TPM3: variants seen among roughly 807,000 people sequenced by gnomAD.
TPM3 encodes tropomyosin alpha-3 chain.
TPM3 carries 16 observed loss-of-function variants against 43.1 expected under a neutral mutation model. The ratio of observed to expected loss-of-function variants is 0.37; its 90% CI spans 0.25 to 0.56. The LOEUF is 0.56. TPM3 is among the 20% of genes least tolerant of loss of function. TPM3 has a pLI of 0.77. For missense variants in TPM3, 176 were observed against 337.2 expected, an observed-to-expected ratio of 0.52 and a Z score of 3.74; for synonymous variants, 101 against 116.9, an observed-to-expected ratio of 0.86 and a Z score of 0.88.
chr1:154,155,847 TAA>T (rs1184741716), downstream of TPM3: 6 of 212,330 alleles, frequency 2.8e-5, no homozygotes, highest in South Asian at 1.9e-4. Context: ...CCCAGCACAT[TAA>T]GTGTTCTTTC....
intron 2 of TPM3, chr1:154,182,971 C>A: frequency 1.2e-6 from 2 of 1,610,856 alleles, no homozygotes; most frequent in Non-Finnish European, 1.7e-6. Context: ...CCCTCATGAG[C>A]CTCACCATCT....
chr1:154,165,879 T>C lies in TPM3; in HGVS notation c.*2058A>G, dbSNP rs1660903034. Reference sequence around the variant, plus strand: ...GCCTTCTTCCATGAGTTTTTCCAATTCATTCCCACTAGGATCAATCTCGTC... The same window carrying C: ...GCCTTCTTCCATGAGTTTTTCCAATCCATTCCCACTAGGATCAATCTCGTC... On this transcript the variant is annotated 3_prime_UTR_variant, in exon 10 of 10. Transcript: ENST00000651641. Among the ~76,000 whole-genome samples the C allele has an allele frequency of 6.6e-6, 1 of 152,188 alleles. No homozygotes were observed. The highest frequency in any genetic ancestry group is 2.4e-5 in the African/African-American group (1 of 41,440).
chr1:154,174,054 T>C (rs533381381), intron 3 of TPM3, among the ~76,000 whole-genome samples: 44 of 151,756 alleles, frequency 2.9e-4, no homozygotes, highest in South Asian at 6.3e-4. Flanking sequence ...TATATACAGC[T>C]GGGCGTGGTG....
intron 9 of TPM3, among the ~76,000 whole-genome samples, chr1:154,168,960 G>A (rs1661284851): frequency 6.6e-6 from 1 of 150,832 alleles, no homozygotes; most frequent in South Asian, 2.1e-4. Flanking sequence ...TCAGCCTCCT[G>A]AGTAGCTAGG....
In TPM3 at chr1:154,167,875, G is replaced by C; in HGVS notation, c.*62C>G. On this transcript the variant is annotated 3_prime_UTR_variant, in exon 10 of 10. Transcript: ENST00000651641. Reference sequence around the variant, plus strand: ...CCAAATGGAATCCAGAGCGAGAGTGGGGCCTTGGGTTCCCCGAGGAGTAAA... The same window carrying C: ...CCAAATGGAATCCAGAGCGAGAGTGCGGCCTTGGGTTCCCCGAGGAGTAAA... 6.2e-7 allele frequency: 1 copy of C among 1,613,832 alleles called. No individual in the cohort carries two copies. The highest frequency in any genetic ancestry group is 1.1e-5 in the South Asian group (1 of 91,064).
intron 2 of TPM3, among the ~76,000 whole-genome samples, chr1:154,178,831 A>G (rs1662633032): frequency 1.3e-5 from 2 of 152,208 alleles, no homozygotes; most frequent in Admixed American, 1.3e-4. Flanking sequence ...AAGTAATAAT[A>G]GGATTCTCCA....
At chr1:154,187,961 C>T (rs1663481506) in intron 2 of TPM3, among the ~76,000 whole-genome samples, 1 of 151,606 alleles carries the variant, frequency 6.6e-6, no homozygotes, top group South Asian at 2.1e-4. Context: ...GCCAGCCATC[C>T]ACTTGCCCAA....
intron 2 of TPM3, chr1:154,187,414 CTCTGAGGGTACTT>C: frequency 2.0e-6 from 2 of 984,714 alleles, no homozygotes; most frequent in Non-Finnish European, 2.4e-6. Context: ...TTATGCATAT[CTCTGAGGGTACTT>C]TCTGACTTGG....
At chr1:154,188,996 G>C (rs1045897941) in intron 2 of TPM3, among the ~76,000 whole-genome samples, 2 of 151,426 alleles carry the variant, frequency 1.3e-5, no homozygotes, top group Admixed American at 1.3e-4. Context: ...CCCGGGCATG[G>C]TGGCAGCTGC....
chr1:154,171,385 C>A, intron 6 of TPM3, 28 bp downstream of exon 6: 1 of 1,613,746 alleles, frequency 6.2e-7, no homozygotes, highest in Non-Finnish European at 8.5e-7. Flanking sequence ...GGCCCCAAAG[C>A]CTGTCACTTT....
chr1:154,180,329 A>G (rs1295260447), intron 2 of TPM3, among the ~76,000 whole-genome samples: 1 of 152,156 alleles, frequency 6.6e-6, no homozygotes, highest in African/African-American at 2.4e-5. Context: ...CCCGCTCCAG[A>G]GGAGGGAGGA....
chr1:154,191,841 C>T, intron 1 of TPM3, 61 bp downstream of exon 1: 2 of 1,595,428 alleles, frequency 1.3e-6, no homozygotes. Flanking sequence ...CCCATGAAAA[C>T]TCCCTTCCAT....
rs565337152 is a variant in TPM3, at chr1:154,184,215, T to C, written c.243+6971A>G. ...CGCCCGGCTAATTTTTTTTTTGTAG[T>C]TTTAGTAGAGACGGGGTTTCACCGT... On this transcript the variant is annotated intron_variant, in intron 2 of 9. Coordinates refer to ENST00000651641, the MANE Select transcript of TPM3 (RefSeq NM_152263.4). Among the ~76,000 whole-genome samples, 7 of 151,908 alleles carry C rather than the reference T, an allele frequency of 4.6e-5. No homozygotes were observed. In the South Asian group the frequency reaches 1.5e-3, roughly 32 times the overall value.
At chr1:154,176,362 T>C (rs1374417421) in intron 2 of TPM3, 114 bp from the exon 3 acceptor site, 19 of 1,478,030 alleles carry the variant, frequency 1.3e-5, no homozygotes, top group Admixed American at 3.7e-5. Flanking sequence ...TCTCGCAGGG[T>C]AGAACTTGTC....
rs1660596791 is a variant in TPM3, at chr1:154,163,447, C to T, written c.*4490G>A. 6.6e-6 allele frequency among the ~76,000 whole-genome samples: 1 copy of T among 152,138 alleles called. No individual in the cohort carries two copies. The highest frequency in any genetic ancestry group is 1.5e-5 in the Non-Finnish European group (1 of 68,018). The stretch of plus-strand genomic sequence containing the variant: ...CTCCTCCTCTTCACTTCTTAACACT[C>T]AAAATGTACCCTCAAATTACTAAAG... On this transcript the variant is annotated 3_prime_UTR_variant, in exon 10 of 10. Coordinates refer to ENST00000651641, the MANE Select transcript of TPM3 (RefSeq NM_152263.4).
Position 154,192,091 on chromosome 1 carries a change from C to T in TPM3, c.-73G>A. Reference sequence around the variant, plus strand: ...GACTGGGGCAAGAAAGAAGGGGCTGCTGCCTGAGTGACCAGGAGGTCCCCA... The same window carrying T: ...GACTGGGGCAAGAAAGAAGGGGCTGTTGCCTGAGTGACCAGGAGGTCCCCA... On this transcript the variant is annotated 5_prime_UTR_variant, in exon 1 of 10. Coordinates refer to ENST00000651641, the MANE Select transcript of TPM3 (RefSeq NM_152263.4). 1 of 1,318,700 alleles carries T rather than the reference C, an allele frequency of 7.6e-7. No individual in the cohort carries two copies. The highest frequency in any genetic ancestry group is 1.1e-6 in the Non-Finnish European group (1 of 918,908). The allele number at this position is 1,318,700 out of a possible 1,614,324, so 81.7% of individuals were successfully genotyped here.
chr1:154,168,086 C>T (rs750042908), intron 9 of TPM3, 146 bp from the exon 10 acceptor site: 10 of 1,230,716 alleles, frequency 8.1e-6, no homozygotes, highest in Non-Finnish European at 1.2e-5. Context: ...AGAAATGTGG[C>T]TTCTTTTCAG....
At chr1:154,168,030 G>A in intron 9 of TPM3, 90 bp from the exon 10 acceptor site, 1 of 1,574,876 alleles carries the variant, frequency 6.3e-7, no homozygotes, top group South Asian at 1.1e-5. Context: ...AAAAAAGGAA[G>A]AGGTGGCAGC....
chr1:154,168,542 TAGAC>T (rs916799558), intron 9 of TPM3, among the ~76,000 whole-genome samples: 1 of 152,164 alleles, frequency 6.6e-6, no homozygotes, highest in Non-Finnish European at 1.5e-5. Flanking sequence ...TTTTTTTTCT[TAGAC>T]AGTCTTGCTC....
Sources: gnomAD v4.1 joint callset for allele counts (sites outside exome capture counted in the v4.1 genomes callset) on GRCh38, gnomAD v4.1.1 for gene constraint, MANE v1.5 for transcripts, NCBI Gene and HGNC (gene_info 2026-07-23, HGNC 2026-07-21) for gene names.